The following NFIA variants were observed in gnomAD, a reference collection of about 807,000 sequenced individuals.
NFIA encodes the protein nuclear factor I A.
A neutral mutation model predicts 62.8 loss-of-function variants in NFIA; 8 were observed. The observed-to-expected ratio is 0.13, with a 90% CI of 0.07 to 0.23. The LOEUF (loss-of-function observed/expected upper bound fraction) is 0.23, where lower values mean the gene tolerates loss of function less well. Among genes scored for constraint, NFIA ranks in the 10% least tolerant of loss-of-function variants. NFIA has a pLI of 1.00. For synonymous variants in NFIA, 235 were observed against 238.1 expected (o/e 0.99, Z 0.12); for missense variants, 410 against 642.1 (o/e 0.64, Z 3.91).
chr1:61,423,133 T>C (rs1183556796), intron 9 of NFIA, among the ~76,000 whole-genome samples: 1 of 152,054 alleles, frequency 6.6e-6, no homozygotes, highest in Non-Finnish European at 1.5e-5. Context: ...AGAGAAAATA[T>C]GGTCAGATTA....
chr1:61,448,787 G>T (rs1020724246), intron 10 of NFIA, among the ~76,000 whole-genome samples: 1 of 152,128 alleles, frequency 6.6e-6, no homozygotes, highest in Non-Finnish European at 1.5e-5. Context: ...TGAGGTAAAA[G>T]GTTACGTGAT....
intron 2 of NFIA, among the ~76,000 whole-genome samples, chr1:61,275,206 T>G (rs1006417438): frequency 2.6e-5 from 4 of 152,198 alleles, no homozygotes; most frequent in African/African-American, 7.2e-5. Flanking sequence ...TTCTTGCCAC[T>G]CACTCCTTTG....
intron 6 of NFIA, among the ~76,000 whole-genome samples, chr1:61,382,012 A>T (rs1422632412): frequency 6.6e-6 from 1 of 152,188 alleles, no homozygotes; most frequent in Non-Finnish European, 1.5e-5. Context: ...CATCCAAATA[A>T]TTCTCTGGTC....
chr1:61,093,233 T>A (rs1485885703), intron 2 of NFIA, among the ~76,000 whole-genome samples: 1 of 152,170 alleles, frequency 6.6e-6, no homozygotes, highest in African/African-American at 2.4e-5. Context: ...AATTAAACTT[T>A]TTCAGTAACT....
intron 2 of NFIA, among the ~76,000 whole-genome samples, chr1:61,157,420 G>GA (rs957625642): frequency 4.6e-5 from 7 of 151,486 alleles, no homozygotes; most frequent in African/African-American, 1.2e-4. Context: ...AATAGAGGAA[G>GA]AAAAAAAAGG....
intron 10 of NFIA, among the ~76,000 whole-genome samples, chr1:61,441,331 G>GTGTGTGTGTGTCTGTC (rs1360188951): frequency 1.6e-4 from 23 of 142,346 alleles, no homozygotes; most frequent in African/African-American, 5.2e-4. Flanking sequence ...GTGTGTGTGT[G>GTGTGTGTGTGTCTGTC]TGTCTGTCTG....
chr1:61,278,064 A>G (rs1015714648), intron 3 of NFIA, among the ~76,000 whole-genome samples: 3 of 151,602 alleles, frequency 2.0e-5, no homozygotes, highest in African/African-American at 7.3e-5. Context: ...AAAAAAAAAT[A>G]TCTATGCTTT....
chr1:61,235,727 C>T (rs143098496), intron 2 of NFIA, among the ~76,000 whole-genome samples: 6 of 147,868 alleles, frequency 4.1e-5, no homozygotes, highest in African/African-American at 9.9e-5. Flanking sequence ...GTGGGAGGAT[C>T]GCTTGAACCT....
intron 9 of NFIA, among the ~76,000 whole-genome samples, chr1:61,409,164 G>A (rs1665984389): frequency 6.6e-6 from 1 of 152,186 alleles, no homozygotes; most frequent in Non-Finnish European, 1.5e-5. Context: ...GGGGTGGGGT[G>A]GGGGTGAGAG....
intron 2 of NFIA, among the ~76,000 whole-genome samples, chr1:61,121,566 G>C (rs2050544): frequency 0.78 from 118,143 of 152,082 alleles, 46,776 homozygotes; most frequent in Middle Eastern, 0.87. Flanking sequence ...GCAGGAAATG[G>C]TAAATATACA....
At chr1:61,332,368 G>GCC (rs1289166718) in intron 3 of NFIA, 144 bp from the exon 4 acceptor site, 3 of 660,636 alleles carry the variant, frequency 4.5e-6, no homozygotes, top group Non-Finnish European at 5.0e-6. Flanking sequence ...AAATGACTGT[G>GCC]CCCTCCCACA....
Position 61,342,677 on chromosome 1 carries a change from G to T in NFIA, c.701-9773G>T, listed in dbSNP as rs188046485. 1.9e-4 allele frequency among the ~76,000 whole-genome samples: 29 copies of T among 152,346 alleles called. 1 individual carries two copies. Among genetic ancestry groups the T allele is most frequent in the African/African-American group, 6.3e-4 (26 of 41,580 alleles). On this transcript the variant is annotated intron_variant, in intron 4 of 10. Coordinates refer to ENST00000403491, the MANE Select transcript of NFIA (RefSeq NM_001134673.4). ...AGGCGAGAAGGAGAATGATGAGATAGAAGTTTTGCCACATAAGTGTAGGCG... is the reference window on the plus strand; with the variant it reads ...AGGCGAGAAGGAGAATGATGAGATATAAGTTTTGCCACATAAGTGTAGGCG...
chr1:61,132,644 G>A (rs1327909182), intron 2 of NFIA: 1 of 152,152 alleles, frequency 6.6e-6, no homozygotes, highest in Non-Finnish European at 1.5e-5. Flanking sequence ...AAGGAGAAAA[G>A]GGATGGAAGA....
At chr1:61,304,042 A>G (rs1299287913) in intron 3 of NFIA, among the ~76,000 whole-genome samples, 1 of 152,148 alleles carries the variant, frequency 6.6e-6, no homozygotes, top group Non-Finnish European at 1.5e-5. Flanking sequence ...TAGGAGGCCA[A>G]GGTGGGCCAG....
chr1:61,325,177 G>A (rs1189270778), intron 3 of NFIA, among the ~76,000 whole-genome samples: 1 of 152,168 alleles, frequency 6.6e-6, no homozygotes, highest in East Asian at 1.9e-4. Flanking sequence ...TTTTGGGAGT[G>A]TTTAATGTGC....
At chr1:61,320,851 T>G (rs1427020899) in intron 3 of NFIA, among the ~76,000 whole-genome samples, 1 of 152,198 alleles carries the variant, frequency 6.6e-6, no homozygotes, top group African/African-American at 2.4e-5. Flanking sequence ...GTTTCATGTC[T>G]GTTTCACTTA....
intron 2 of NFIA, among the ~76,000 whole-genome samples, chr1:61,204,315 T>C (rs1307565696): frequency 3.3e-5 from 5 of 152,208 alleles, no homozygotes; most frequent in Non-Finnish European, 5.9e-5. Context: ...CTGGATGTTA[T>C]TCAGGCATAA....
intron 3 of NFIA, among the ~76,000 whole-genome samples, chr1:61,282,746 G>C (rs1658214131): frequency 6.6e-6 from 1 of 152,170 alleles, no homozygotes; most frequent in Non-Finnish European, 1.5e-5. Flanking sequence ...AGAAAGTAAT[G>C]CTATCTTCAC....
At chr1:61,272,996 T>C (rs1657604888) in intron 2 of NFIA, among the ~76,000 whole-genome samples, 1 of 152,218 alleles carries the variant, frequency 6.6e-6, no homozygotes, top group African/African-American at 2.4e-5. Flanking sequence ...AGGCTGAAAC[T>C]TAGGCTATAT....
Sources: gnomAD v4.1 joint callset for allele counts (sites outside exome capture counted in the v4.1 genomes callset) on GRCh38, gnomAD v4.1.1 for gene constraint, MANE v1.5 for transcripts, NCBI Gene and HGNC (gene_info 2026-07-23, HGNC 2026-07-21) for gene names.